CNTN5: variants seen among roughly 807,000 people sequenced by gnomAD.
The protein encoded by CNTN5 is contactin-5.
In CNTN5, 77 loss-of-function variants were observed where a neutral mutation model predicts 129.1. The ratio of observed to expected loss-of-function variants is 0.60; its 90% CI spans 0.50 to 0.72. The LOEUF is 0.72. Ranked by LOEUF, CNTN5 falls within the 30% of genes least tolerant of loss-of-function variation. The pLI is 0.00. For synonymous variants in CNTN5, 509 were observed against 465.6 expected (o/e 1.09, Z -1.20); for missense variants, 1,478 against 1,328.8 (o/e 1.11, Z -1.75).
At chr11:99,828,781 C>T (rs746093887) in intron 4 of CNTN5, among the ~76,000 whole-genome samples, 1 of 152,028 alleles carries the variant, frequency 6.6e-6, no homozygotes, top group Non-Finnish European at 1.5e-5. Context: ...GTATCTTTAT[C>T]TTCAGTGGTC....
At chr11:99,052,733 G>A (rs772618926) in intron 1 of CNTN5, among the ~76,000 whole-genome samples, 19 of 151,816 alleles carry the variant, frequency 1.3e-4, no homozygotes, top group Non-Finnish European at 2.2e-4. Context: ...TGGATGGGTT[G>A]ACTTGGATGA....
chr11:100,254,146 C>T (rs973614402), intron 16 of CNTN5, among the ~76,000 whole-genome samples: 1 of 152,136 alleles, frequency 6.6e-6, no homozygotes, highest in Non-Finnish European at 1.5e-5. Context: ...CTGAATTGGT[C>T]AGTTTCACTT....
Position 99,211,296 on chromosome 11 carries a change from A to T in CNTN5, c.-209-114050A>T, listed in dbSNP as rs1038492855. Among the ~76,000 whole-genome samples the T allele has an allele frequency of 5.9e-5, 9 of 152,112 alleles. No individual in the cohort carries two copies. In the South Asian group the frequency reaches 1.9e-3, roughly 32 times the overall value. ...TAACCTGCTGTGAAAGGACGCAAAG[A>T]TAGATTTTTTGGGGGGTTTGTTTTG... On this transcript the variant is annotated intron_variant, in intron 1 of 24. Coordinates refer to ENST00000524871, the MANE Select transcript of CNTN5 (RefSeq NM_014361.4).
At chr11:99,637,996 G>T (rs1448790013) in intron 3 of CNTN5, among the ~76,000 whole-genome samples, 1 of 151,998 alleles carries the variant, frequency 6.6e-6, no homozygotes, top group Non-Finnish European at 1.5e-5. Flanking sequence ...TTCAGTCAAT[G>T]GTGGACCACA....
chr11:100,241,982 G>C (rs995258780), intron 16 of CNTN5, among the ~76,000 whole-genome samples: 1 of 152,146 alleles, frequency 6.6e-6, no homozygotes. Flanking sequence ...TTCATCAAAT[G>C]TTTGCCTTAT....
rs140599460 is a variant in CNTN5 at position 99,315,109 on chromosome 11, G to A, written c.-209-10237G>A. Among the ~76,000 whole-genome samples, 1,191 of 149,176 alleles carry A rather than the reference G, an allele frequency of 8.0e-3. 62 individuals are homozygous for A. The highest frequency in any genetic ancestry group is 0.028 in the African/African-American group (1,133 of 41,038). On this transcript the variant is annotated intron_variant, in intron 1 of 24. Transcript: ENST00000524871. ...GAGAAGACATTGATATTTATTCTAGGCAGAGTGATGAATACCCTCTAGTAG... is the reference window on the plus strand; with the variant it reads ...GAGAAGACATTGATATTTATTCTAGACAGAGTGATGAATACCCTCTAGTAG...
At chr11:99,183,760 C>T (rs752344680) in intron 1 of CNTN5, among the ~76,000 whole-genome samples, 4 of 152,094 alleles carry the variant, frequency 2.6e-5, no homozygotes, top group African/African-American at 9.7e-5. Context: ...CTAGTCCAAC[C>T]TAACTGCGTA....
chr11:99,870,350 G>A (rs961964981), intron 6 of CNTN5, among the ~76,000 whole-genome samples: 8 of 152,056 alleles, frequency 5.3e-5, no homozygotes, highest in Middle Eastern at 3.4e-3. Flanking sequence ...CTCCTTACAC[G>A]TTCCAACCCC....
At chr11:99,536,175 A>G (rs1190060360) in intron 2 of CNTN5, among the ~76,000 whole-genome samples, 2 of 152,112 alleles carry the variant, frequency 1.3e-5, no homozygotes, top group Non-Finnish European at 2.9e-5. Flanking sequence ...TTATTCTCAT[A>G]CTGGTGGCAC....
intron 3 of CNTN5, among the ~76,000 whole-genome samples, chr11:99,695,777 C>T (rs1954242668): frequency 6.6e-6 from 1 of 151,946 alleles, no homozygotes; most frequent in Non-Finnish European, 1.5e-5. Context: ...TAAAAGCTGA[C>T]AACCTGAGTT....
intron 3 of CNTN5, among the ~76,000 whole-genome samples, chr11:99,714,239 A>G (rs1478241936): frequency 6.6e-6 from 1 of 151,948 alleles, no homozygotes; most frequent in Admixed American, 6.6e-5. Context: ...GTATTTTACC[A>G]AGTGGAAGCG....
At chr11:99,689,292 C>T (rs1188110446) in intron 3 of CNTN5, among the ~76,000 whole-genome samples, 1 of 151,964 alleles carries the variant, frequency 6.6e-6, no homozygotes, top group Non-Finnish European at 1.5e-5. Flanking sequence ...TTTAGGGAGG[C>T]CAAGGCGGGC....
At chr11:99,024,006 C>T (rs1351755280) in intron 1 of CNTN5, among the ~76,000 whole-genome samples, 1 of 152,114 alleles carries the variant, frequency 6.6e-6, no homozygotes, top group East Asian at 1.9e-4. Flanking sequence ...CTTCTTAACA[C>T]TTTATAGCAG....
intron 2 of CNTN5, among the ~76,000 whole-genome samples, chr11:99,450,767 A>ATTTTTT: frequency 1.1e-5 from 1 of 92,756 alleles, no homozygotes; most frequent in Non-Finnish European, 2.3e-5. Context: ...CATTGAAGCA[A>ATTTTTT]GTTTTTTTTT....
chr11:99,611,410 G>C (rs1024958769), intron 3 of CNTN5, among the ~76,000 whole-genome samples: 19 of 152,074 alleles, frequency 1.2e-4, no homozygotes, highest in Non-Finnish European at 1.9e-4. Flanking sequence ...TGACTCAAGG[G>C]AGATAAATCT....
At chr11:99,415,704 C>G (rs1317200205) in intron 2 of CNTN5, among the ~76,000 whole-genome samples, 4 of 152,082 alleles carry the variant, frequency 2.6e-5, no homozygotes, top group African/African-American at 7.2e-5. Context: ...GAGGCCTTCA[C>G]TTTGTGATAT....
intron 2 of CNTN5, among the ~76,000 whole-genome samples, chr11:99,344,550 TCAC>T (rs1937688904): frequency 6.6e-6 from 1 of 152,212 alleles, no homozygotes; most frequent in South Asian, 2.1e-4. Flanking sequence ...ATTTTTTAGT[TCAC>T]CACTTTTCTG....
At chr11:99,065,672 CT>C (rs1865071141) in intron 1 of CNTN5, among the ~76,000 whole-genome samples, 1 of 151,772 alleles carries the variant, frequency 6.6e-6, no homozygotes, top group Admixed American at 6.6e-5. Flanking sequence ...GTTTTAAAGG[CT>C]ACATGCACTT....
intron 3 of CNTN5, among the ~76,000 whole-genome samples, chr11:99,615,379 C>A (rs913982862): frequency 6.6e-6 from 1 of 152,060 alleles, no homozygotes; most frequent in Non-Finnish European, 1.5e-5. Flanking sequence ...AATTTAACTT[C>A]AAGTTAGTAT....
Sources: allele counts gnomAD v4.1 joint callset (sites outside exome capture counted in the v4.1 genomes callset), GRCh38; gene constraint gnomAD v4.1.1; transcripts MANE v1.5; gene names NCBI Gene and HGNC (gene_info 2026-07-23, HGNC 2026-07-21).